Variants in TRIQK observed in about 807,000 individuals in gnomAD.
The protein encoded by TRIQK is triple QxxK/R motif-containing protein.
TRIQK carries 10 observed loss-of-function variants against 10.8 expected under a neutral mutation model. The observed-to-expected ratio is 0.92, with a 90% CI of 0.57 to 1.57. The LOEUF is 1.57. TRIQK is among the 40% of genes most tolerant of loss of function. The pLI is 0.00. For missense variants in TRIQK, 107 were observed against 97.7 expected (o/e 1.09, Z -0.40); for synonymous variants, 33 against 33.7 (o/e 0.98, Z 0.07).
intron 2 of TRIQK, among the ~76,000 whole-genome samples, chr8:92,919,468 C>T (rs535935106): frequency 6.6e-6 from 1 of 151,980 alleles, no homozygotes; most frequent in East Asian, 1.9e-4. Context: ...GTTGAACCAT[C>T]CCTGCATCAC....
chr8:92,893,290 G>A (rs903835294), intron 3 of TRIQK, among the ~76,000 whole-genome samples: 4 of 151,962 alleles, frequency 2.6e-5, no homozygotes, highest in Admixed American at 1.3e-4. Context: ...ATGGATGGGC[G>A]TAGTGAAGAA....
At chr8:92,960,115 A>C (rs2130706776) in intron 1 of TRIQK, among the ~76,000 whole-genome samples, 1 of 152,060 alleles carries the variant, frequency 6.6e-6, no homozygotes, top group South Asian at 2.1e-4. Context: ...GGTCTTTTTC[A>C]GCTCAGGAAA....
intron 1 of TRIQK, among the ~76,000 whole-genome samples, chr8:93,015,565 A>G (rs2130765868): frequency 6.6e-6 from 1 of 151,956 alleles, no homozygotes; most frequent in South Asian, 2.1e-4. Context: ...GAAAGATGCA[A>G]CTTTCTAACA....
chr8:93,017,311 CA>C (rs766008023), intron 1 of TRIQK, among the ~76,000 whole-genome samples: 47 of 152,120 alleles, frequency 3.1e-4, no homozygotes, highest in Non-Finnish European at 5.9e-4. Context: ...AATAAACGAA[CA>C]AGCAAAATAG....
At chr8:92,956,971 C>A (rs2130693255) in intron 1 of TRIQK, among the ~76,000 whole-genome samples, 1 of 151,894 alleles carries the variant, frequency 6.6e-6, no homozygotes, top group African/African-American at 2.4e-5. Flanking sequence ...ACATCACATA[C>A]CACAAATTTT....
chr8:92,989,518 A>G (rs7006826), intron 1 of TRIQK, among the ~76,000 whole-genome samples: 40,839 of 151,990 alleles, frequency 0.27, 6,431 homozygotes, highest in African/African-American at 0.44. Flanking sequence ...CCCCATGTGA[A>G]GGATATAGGT....
intron 1 of TRIQK, among the ~76,000 whole-genome samples, chr8:92,990,133 G>A (rs1348128273): frequency 6.6e-6 from 1 of 152,164 alleles, no homozygotes; most frequent in African/African-American, 2.4e-5. Context: ...GAACTATAAA[G>A]CTGGAATCAC....
At chr8:92,903,233 G>A (rs1245160057) in intron 3 of TRIQK, among the ~76,000 whole-genome samples, 2 of 152,024 alleles carry the variant, frequency 1.3e-5, no homozygotes, top group Admixed American at 6.6e-5. Flanking sequence ...TTTATTTTTA[G>A]TGTTGACTTT....
chr8:92,887,646 T>C (rs1816557445), intron 4 of TRIQK, among the ~76,000 whole-genome samples: 2 of 151,562 alleles, frequency 1.3e-5, no homozygotes, highest in African/African-American at 4.8e-5. Flanking sequence ...TTCTACTGTA[T>C]ATTATGCCCT....
In TRIQK at chr8:92,884,498, A is replaced by G. The variant is rs925507515; in HGVS notation, c.*2124T>C. On this transcript the variant is annotated 3_prime_UTR_variant, in exon 5 of 5. Transcript: ENST00000521988. ...AATGGACTAGCTGTAGACTCAGGATATCAATAAAACTAGGCAGTGAAATTT... is the reference window on the plus strand; with the variant it reads ...AATGGACTAGCTGTAGACTCAGGATGTCAATAAAACTAGGCAGTGAAATTT... 8 of 272,518 alleles carry G rather than the reference A, an allele frequency of 2.9e-5. No individual in the cohort carries two copies. The highest frequency in any genetic ancestry group is 1.8e-4 in the African/African-American group (8 of 44,520). The allele number at this position is 272,518 out of a possible 1,614,324, so 16.9% of individuals were successfully genotyped here.
chr8:92,971,941 G>C, intron 1 of TRIQK, among the ~76,000 whole-genome samples: 1 of 151,990 alleles, frequency 6.6e-6, no homozygotes, highest in South Asian at 2.1e-4. Context: ...ATATTTTGAA[G>C]GTCTGTTACT....
intron 2 of TRIQK, among the ~76,000 whole-genome samples, chr8:92,952,796 C>A (rs556495019): frequency 2.0e-5 from 3 of 152,164 alleles, no homozygotes; most frequent in East Asian, 3.9e-4. Flanking sequence ...TACTGCACTT[C>A]ATAGTTCCCC....
At position 92,883,693 on chromosome 8, in the gene TRIQK, C is replaced by T. The variant is rs766960622; in HGVS notation, c.*2929G>A. On this transcript the variant is annotated 3_prime_UTR_variant, in exon 5 of 5. Transcript: ENST00000521988. ...GCAGATGACTACACTACTGCAATTA[C>T]AGAAATGAGTAAGAACATACTCTCA... The T allele has an allele frequency of 3.3e-5, 5 of 151,688 alleles. No homozygotes were observed. The highest frequency in any genetic ancestry group is 5.9e-5 in the Non-Finnish European group (4 of 67,794). The allele number at this position is 151,688 out of a possible 1,614,324, so 9.4% of individuals were successfully genotyped here.
chr8:92,912,086 T>G (rs934641237), intron 3 of TRIQK, among the ~76,000 whole-genome samples: 27 of 151,444 alleles, frequency 1.8e-4, no homozygotes, highest in African/African-American at 6.3e-4. Context: ...ACTTAACAAA[T>G]GTATACAGAA....
chr8:92,956,473 T>C (rs569825936), intron 1 of TRIQK, among the ~76,000 whole-genome samples: 1 of 151,928 alleles, frequency 6.6e-6, no homozygotes, highest in South Asian at 2.1e-4. Context: ...AGTTGCACAA[T>C]ATTGGGAATA....
chr8:92,903,565 T>C (rs1809072508), intron 3 of TRIQK, among the ~76,000 whole-genome samples: 1 of 152,108 alleles, frequency 6.6e-6, no homozygotes, highest in African/African-American at 2.4e-5. Context: ...TTTATATTAA[T>C]AATAAAAACT....
intron 1 of TRIQK, among the ~76,000 whole-genome samples, chr8:93,005,184 G>A (rs1252955676): frequency 6.6e-6 from 1 of 152,172 alleles, no homozygotes; most frequent in Non-Finnish European, 1.5e-5. Flanking sequence ...ATTTCCACAG[G>A]CAGTACAGGA....
intron 1 of TRIQK, among the ~76,000 whole-genome samples, chr8:93,001,388 G>C (rs998914638): frequency 5.3e-5 from 8 of 150,606 alleles, no homozygotes; most frequent in Non-Finnish European, 1.0e-4. Flanking sequence ...GCCTACAAAA[G>C]ACTCACTTCA....
At chr8:92,987,671 A>G (rs766214068) in intron 1 of TRIQK, among the ~76,000 whole-genome samples, 5 of 152,196 alleles carry the variant, frequency 3.3e-5, no homozygotes, top group East Asian at 1.9e-4. Context: ...AAAGAAAATT[A>G]TAATTTTCTC....
Sources: allele counts gnomAD v4.1 joint callset (sites outside exome capture counted in the v4.1 genomes callset), GRCh38; gene constraint gnomAD v4.1.1; transcripts MANE v1.5; gene names NCBI Gene and HGNC (gene_info 2026-07-23, HGNC 2026-07-21).